The following PDE10A variants were observed in gnomAD, a reference collection of about 807,000 sequenced individuals.
PDE10A encodes cAMP and cAMP-inhibited cGMP 3',5'-cyclic phosphodiesterase 10A.
Under a neutral mutation model 97.7 loss-of-function variants are expected in PDE10A, and 39 were observed. The observed-to-expected ratio is 0.40, with a 90% CI of 0.31 to 0.52. The LOEUF (loss-of-function observed/expected upper bound fraction) is 0.52. PDE10A is among the 20% of genes least tolerant of loss of function. The pLI is 0.56. For synonymous variants in PDE10A, 371 were observed against 376.8 expected, an observed-to-expected ratio of 0.98 and a Z score of 0.18; for missense variants, 731 against 1,047.8, an observed-to-expected ratio of 0.70 and a Z score of 4.17.
intron 13 of PDE10A, among the ~76,000 whole-genome samples, chr6:165,398,660 C>T (rs907137159): frequency 2.0e-5 from 3 of 151,946 alleles, no homozygotes; most frequent in African/African-American, 4.8e-5. Flanking sequence ...TTATATATTA[C>T]CAATATGGGT....
chr6:165,644,054 T>G (rs1448483745), intron 1 of PDE10A, among the ~76,000 whole-genome samples: 1 of 151,950 alleles, frequency 6.6e-6, no homozygotes, highest in Non-Finnish European at 1.5e-5. Context: ...TCAGAAAAAT[T>G]CATTTTTTTT....
At chr6:165,578,550 C>T (rs1265870335) in intron 1 of PDE10A, among the ~76,000 whole-genome samples, 1 of 152,138 alleles carries the variant, frequency 6.6e-6, no homozygotes, top group Admixed American at 6.6e-5. Context: ...CACCATCTGG[C>T]CCCAAACAAC....
intron 1 of PDE10A, among the ~76,000 whole-genome samples, chr6:165,584,960 C>T (rs1785822662): frequency 6.6e-6 from 1 of 152,156 alleles, no homozygotes; most frequent in Admixed American, 6.5e-5. Context: ...ACAAGGGCTT[C>T]AATGTTTATG....
chr6:165,636,689 A>G (rs993219449), intron 1 of PDE10A, among the ~76,000 whole-genome samples: 16 of 152,220 alleles, frequency 1.1e-4, no homozygotes, highest in African/African-American at 3.9e-4. Flanking sequence ...TTTTGCAAAA[A>G]CTGGATAGAC....
At chr6:165,859,531 C>T (rs774851285) in intron 1 of PDE10A, among the ~76,000 whole-genome samples, 1 of 152,164 alleles carries the variant, frequency 6.6e-6, no homozygotes, top group Non-Finnish European at 1.5e-5. Flanking sequence ...TGGAGAGATG[C>T]AGAGGGCCAA....
At chr6:165,654,215 A>C (rs1789825056) in intron 1 of PDE10A, among the ~76,000 whole-genome samples, 3 of 152,228 alleles carry the variant, frequency 2.0e-5, no homozygotes, top group South Asian at 2.1e-4. Context: ...CTATTAATTT[A>C]ATTGCATCAC....
At chr6:165,592,382 T>C (rs764687312) in intron 1 of PDE10A, among the ~76,000 whole-genome samples, 9 of 152,182 alleles carry the variant, frequency 5.9e-5, no homozygotes, top group East Asian at 3.9e-4. Context: ...ATTCAGGACA[T>C]AGGCATAAGC....
intron 16 of PDE10A, among the ~76,000 whole-genome samples, chr6:165,391,008 C>T (rs921279689): frequency 6.6e-6 from 1 of 152,136 alleles, no homozygotes; most frequent in African/African-American, 2.4e-5. Context: ...AAGAGTTTTA[C>T]AATCTTGCAC....
At chr6:165,493,226 G>A (rs901530110) in intron 2 of PDE10A, among the ~76,000 whole-genome samples, 1 of 151,998 alleles carries the variant, frequency 6.6e-6, no homozygotes, top group African/African-American at 2.4e-5. Context: ...CTCATGGATG[G>A]GTAGAATCAA....
chr6:165,895,275 T>A (rs779585781), intron 1 of PDE10A, among the ~76,000 whole-genome samples: 4 of 152,104 alleles, frequency 2.6e-5, no homozygotes, highest in Non-Finnish European at 5.9e-5. Context: ...GTACAACAGG[T>A]GTCCTTATAA....
intron 1 of PDE10A, among the ~76,000 whole-genome samples, chr6:165,600,272 T>C (rs3008011): frequency 0.082 from 12,501 of 152,178 alleles, 569 homozygotes; most frequent in African/African-American, 0.097. Context: ...CCTTCCAAGA[T>C]GCTTACCACC....
chr6:165,694,930 A>G (rs1791405118), intron 1 of PDE10A, among the ~76,000 whole-genome samples: 1 of 152,214 alleles, frequency 6.6e-6, no homozygotes, highest in Admixed American at 6.5e-5. Context: ...GTAGCCTTCA[A>G]TTCAGGCCAT....
chr6:165,912,887 G>A (rs1212079250), intron 1 of PDE10A, among the ~76,000 whole-genome samples: 1 of 152,238 alleles, frequency 6.6e-6, no homozygotes. Flanking sequence ...AGTGTACATG[G>A]CAACTTTATA....
At chr6:165,351,037 TGTCA>T (rs776894287) in intron 18 of PDE10A, among the ~76,000 whole-genome samples, 52 of 152,218 alleles carry the variant, frequency 3.4e-4, no homozygotes, top group Non-Finnish European at 7.3e-5. Flanking sequence ...CAAATTCACT[TGTCA>T]GTCTTTGCCA....
intron 1 of PDE10A, among the ~76,000 whole-genome samples, chr6:165,562,520 C>G (rs542172732): frequency 1.3e-5 from 2 of 152,262 alleles, no homozygotes; most frequent in South Asian, 4.1e-4. Context: ...AACAATTCTT[C>G]AAGACATGTT....
rs554859208 is a variant in PDE10A at position 165,380,781 on chromosome 6, ACT to A, written c.2611-1417_2611-1416del. Among the ~76,000 whole-genome samples, 14 of 152,124 alleles carry A rather than the reference ACT, an allele frequency of 9.2e-5. No individual in the cohort carries two copies. In the South Asian group the frequency reaches 2.9e-3, roughly 32 times the overall value. Reference sequence around the variant, plus strand: ...TGAACTCAATAATCATCCAAGCTCGACTCTCTTCAATTTTGTTGTAGAAAGTT... The same window carrying A: ...TGAACTCAATAATCATCCAAGCTCGACTCTTCAATTTTGTTGTAGAAAGTT... On this transcript the variant is annotated intron_variant, in intron 17 of 21. Coordinates refer to ENST00000539869, the MANE Select transcript of PDE10A (RefSeq NM_001385079.1).
chr6:165,414,331 G>T (rs1162862928), intron 12 of PDE10A, among the ~76,000 whole-genome samples: 1 of 152,158 alleles, frequency 6.6e-6, no homozygotes, highest in African/African-American at 2.4e-5. Context: ...GAAAAGGCTT[G>T]CTGACTCCTA....
chr6:165,808,960 G>T (rs551569172), intron 1 of PDE10A, among the ~76,000 whole-genome samples: 13 of 152,316 alleles, frequency 8.5e-5, no homozygotes, highest in African/African-American at 2.6e-4. Flanking sequence ...TATAATCAGA[G>T]CATTCTACAT....
chr6:165,491,680 T>G (rs534532792), intron 2 of PDE10A, among the ~76,000 whole-genome samples: 1 of 151,866 alleles, frequency 6.6e-6, no homozygotes, highest in Non-Finnish European at 1.5e-5. Flanking sequence ...AGTGACATGA[T>G]CTATCAAAAC....
Sources: allele counts gnomAD v4.1 joint callset (sites outside exome capture counted in the v4.1 genomes callset), GRCh38; gene constraint gnomAD v4.1.1; transcripts MANE v1.5; gene names NCBI Gene and HGNC (gene_info 2026-07-23, HGNC 2026-07-21).